The following TNIP1 variants were observed in gnomAD, a reference collection of about 807,000 sequenced individuals.
TNIP1 encodes the protein TNFAIP3 interacting protein 1, also known as TNFAIP3-interacting protein 1.
Under a neutral mutation model 86.6 loss-of-function variants are expected in TNIP1, and 22 were observed. The observed-to-expected ratio is 0.25, with a 90% CI of 0.18 to 0.36. The LOEUF (loss-of-function observed/expected upper bound fraction) is 0.36, where lower values mean the gene tolerates loss of function less well. Ranked by LOEUF, TNIP1 falls within the 10% of genes least tolerant of loss-of-function variation. TNIP1 has a pLI of 1.00. For synonymous variants in TNIP1, 294 were observed against 313.0 expected (o/e 0.94, Z 0.64); for missense variants, 709 against 820.6 (o/e 0.86, Z 1.66).
At chr5:151,056,552 C>T (rs1048756027) in intron 6 of TNIP1, among the ~76,000 whole-genome samples, 1 of 152,126 alleles carries the variant, frequency 6.6e-6, no homozygotes, top group African/African-American at 2.4e-5. Context: ...TCGCATTGCC[C>T]ATCCCGTATT....
chr5:151,050,535 A>G (rs1759771923), intron 7 of TNIP1, among the ~76,000 whole-genome samples: 1 of 152,264 alleles, frequency 6.6e-6, no homozygotes, highest in Non-Finnish European at 1.5e-5. Flanking sequence ...TTAAGTAAAA[A>G]GATGAATCAA....
Position 151,063,742 on chromosome 5 carries a change from G to C in TNIP1, c.142C>G (p.Leu48Val). The C allele has an allele frequency of 6.2e-6, 10 of 1,613,836 alleles. No homozygotes were observed. The highest frequency in any genetic ancestry group is 8.5e-6 in the Non-Finnish European group (10 of 1,179,858). The change falls in exon 3 of 18, where the codon CTT (leucine) becomes GTT (valine). Residue 48 changes from leucine (L) to valine (V), a missense_variant. Physicochemically the swap from Leu to Val is conservative, Grantham distance 32 (BLOSUM62 1). Coordinates refer to ENST00000521591, the MANE Select transcript of TNIP1 (RefSeq NM_006058.5). Reference sequence around the variant, plus strand: ...GCTTCCATCTGGGACTCTTCCAAAAGCTCCCCTAGAGTTATTGGGGAAGAG... The same window carrying C: ...GCTTCCATCTGGGACTCTTCCAAAACCTCCCCTAGAGTTATTGGGGAAGAG... ...KMQGIKMLGE[L>V]LEESQMEATR...
chr5:151,065,129 T>A lies in TNIP1; in HGVS notation c.-34A>T, dbSNP rs772079911. On this transcript the variant is annotated splice_region_variant and 5_prime_UTR_variant, in exon 2 of 18. Transcript: ENST00000521591. ...CTCAGCCCCTGCCGTGGTGCCCGCC[T>A]GGCTGTAAGGACAACAGCAGCATAT... is the stretch of plus-strand genomic sequence containing the variant. The A allele has an allele frequency of 6.2e-7, 1 of 1,604,402 alleles. No homozygotes were observed. The highest frequency in any genetic ancestry group is 8.5e-7 in the Non-Finnish European group (1 of 1,175,504).
At chr5:151,072,851 A>C (rs1762966235) in intron 1 of TNIP1, among the ~76,000 whole-genome samples, 1 of 152,224 alleles carries the variant, frequency 6.6e-6, no homozygotes, top group Non-Finnish European at 1.5e-5. Flanking sequence ...TGAGTCACCT[A>C]CTGAAGAATG....
intron 8 of TNIP1, among the ~76,000 whole-genome samples, chr5:151,048,257 C>T (rs914682869): frequency 2.0e-5 from 3 of 152,172 alleles, no homozygotes; most frequent in Non-Finnish European, 4.4e-5. Context: ...GAGGAGTCCA[C>T]GTGGAGTCAG....
chr5:151,083,005 C>G (rs1389969796), upstream of TNIP1, among the ~76,000 whole-genome samples: 1 of 146,864 alleles, frequency 6.8e-6, no homozygotes, highest in African/African-American at 2.5e-5. Context: ...TTGAGTGACA[C>G]AACCAGGGCC....
At chr5:151,043,436 A>C (rs778697628) in intron 9 of TNIP1, among the ~76,000 whole-genome samples, 7 of 152,262 alleles carry the variant, frequency 4.6e-5, no homozygotes, top group Admixed American at 2.6e-4. Flanking sequence ...AGATAGGTTA[A>C]AGAAACGATA....
At chr5:151,081,382 C>G (rs1232609793), upstream of TNIP1, among the ~76,000 whole-genome samples, 1 of 151,954 alleles carries the variant, frequency 6.6e-6, no homozygotes, top group Non-Finnish European at 1.5e-5. Flanking sequence ...TTCCTTGTGC[C>G]GAGGGGAACA....
chr5:151,034,800 A>T (rs1278298224), intron 15 of TNIP1: 1 of 605,808 alleles, frequency 1.7e-6, no homozygotes, highest in Non-Finnish European at 2.9e-6. Flanking sequence ...ACCTGGACAC[A>T]GAATGTCAAC....
At chr5:151,068,720 C>T (rs1561531689) in intron 1 of TNIP1, among the ~76,000 whole-genome samples, 1 of 152,166 alleles carries the variant, frequency 6.6e-6, no homozygotes, top group South Asian at 2.1e-4. Flanking sequence ...CCAGAAGATC[C>T]CTGCTCTCCC....
intron 17 of TNIP1, 149 bp downstream of exon 17, chr5:151,032,138 T>G: frequency 1.5e-6 from 1 of 645,162 alleles, no homozygotes; most frequent in Non-Finnish European, 2.7e-6. Context: ...GTGGTTGCCA[T>G]TACTCTCCAT....
intron 6 of TNIP1, among the ~76,000 whole-genome samples, chr5:151,056,459 C>T (rs991667841): frequency 6.6e-6 from 1 of 152,150 alleles, no homozygotes; most frequent in Non-Finnish European, 1.5e-5. Context: ...AGGAGTTGAC[C>T]TTTGTTCCCT....
chr5:151,059,828 AGTGT>A (rs760868810), intron 5 of TNIP1, among the ~76,000 whole-genome samples: 109 of 56,334 alleles, frequency 1.9e-3, no homozygotes, highest in African/African-American at 6.7e-3. Flanking sequence ...AGAGAGAGAG[AGTGT>A]GTGTGTGTGT....
At chr5:151,037,033 C>T (rs1425395190) in intron 12 of TNIP1, 112 bp from the exon 13 acceptor site, 1 of 1,304,662 alleles carries the variant, frequency 7.7e-7, no homozygotes, top group Non-Finnish European at 1.0e-6. Flanking sequence ...TAATAATAGC[C>T]ACCACTACCA....
chr5:151,032,751 G>A, intron 16 of TNIP1: 1 of 250,122 alleles, frequency 4.0e-6, no homozygotes, highest in South Asian at 4.4e-5. Context: ...GGGGAGAGCT[G>A]GGATGCCTAA....
chr5:151,044,792 T>C (rs12658895), intron 9 of TNIP1, among the ~76,000 whole-genome samples: 131,692 of 152,006 alleles, frequency 0.87, 57,168 homozygotes, highest in East Asian at 0.97. Flanking sequence ...GAGGAACACA[T>C]GTGAGATCCA....
chr5:151,056,144 G>A (rs142349791), intron 6 of TNIP1, among the ~76,000 whole-genome samples: 1 of 152,310 alleles, frequency 6.6e-6, no homozygotes, highest in East Asian at 1.9e-4. Context: ...CTTGTCCAAG[G>A]TCATACAGCA....
At chr5:151,084,613 T>C (rs1248782178), upstream of TNIP1, among the ~76,000 whole-genome samples, 1 of 152,150 alleles carries the variant, frequency 6.6e-6, no homozygotes, top group South Asian at 2.1e-4. Flanking sequence ...CACAGTGCTG[T>C]TTCCACATAC....
chr5:151,052,326 G>C lies in TNIP1; in HGVS notation c.628-67C>G, dbSNP rs1397636635. 4 of 1,383,700 alleles carry C rather than the reference G, an allele frequency of 2.9e-6. No individual in the cohort carries two copies. The East Asian group carries it at 7.3e-5, about 25-fold the overall frequency. 85.7% of individuals were successfully genotyped at this position (1,383,700 alleles called of 1,614,324 possible). The stretch of plus-strand genomic sequence containing the variant: ...CCCCTCCCAGGTGCAGGCTGAGCTA[G>C]AGGATGGTGGGGGGCCTGTAGCCAC... On this transcript the variant is annotated intron_variant, in intron 6 of 17. Coordinates refer to ENST00000521591, the MANE Select transcript of TNIP1 (RefSeq NM_006058.5).
Sources: gnomAD v4.1 joint callset for allele counts (sites outside exome capture counted in the v4.1 genomes callset) on GRCh38, gnomAD v4.1.1 for gene constraint, MANE v1.5 for transcripts, NCBI Gene and HGNC (gene_info 2026-07-23, HGNC 2026-07-21) for gene names.